The following LGSN variants were observed in gnomAD, a reference collection of about 807,000 sequenced individuals.
LGSN encodes the protein lengsin.
LGSN carries 21 observed loss-of-function variants against 19.5 expected under a neutral mutation model. The observed-to-expected ratio is 1.07, with a 90% CI of 0.76 to 1.55. The LOEUF (loss-of-function observed/expected upper bound fraction) is 1.55, where lower values mean the gene tolerates loss of function less well. Among genes scored for constraint, LGSN ranks in the 40% most tolerant of loss-of-function variants. LGSN has a pLI of 0.00. For synonymous variants in LGSN, 257 were observed against 215.6 expected, an observed-to-expected ratio of 1.19 and a Z score of -1.68; for missense variants, 673 against 608.5, an observed-to-expected ratio of 1.11 and a Z score of -1.12.
the LGSN span, among the ~76,000 whole-genome samples, chr6:63,431,043 C>T: frequency 1.3e-5 from 2 of 152,138 alleles, no homozygotes; most frequent in African/African-American, 4.8e-5. Context: ...TAATACCTTA[C>T]TCTTCTAAAA....
chr6:63,475,314 C>CAA, the LGSN span, among the ~76,000 whole-genome samples: 1,353 of 99,088 alleles, frequency 0.014, 26 homozygotes, highest in Non-Finnish European at 0.015. Flanking sequence ...ATAGATCTGC[C>CAA]AAAAAAAAAA....
chr6:63,311,683 A>G lies in LGSN; in HGVS notation c.30+8231T>C, dbSNP rs559349832. ...ATGCCTCAAACTATATCCTGTTCAGACATGTCATAACAAATTAGCATGAAT... is the reference window on the plus strand; with the variant it reads ...ATGCCTCAAACTATATCCTGTTCAGGCATGTCATAACAAATTAGCATGAAT... On this transcript the variant is annotated intron_variant, in intron 1 of 3. Coordinates refer to ENST00000370657, the MANE Select transcript of LGSN (RefSeq NM_016571.3). Among the ~76,000 whole-genome samples the G allele has an allele frequency of 2.6e-5, 4 of 152,320 alleles. No individual in the cohort carries two copies. In the South Asian group the frequency reaches 8.3e-4, roughly 32 times the overall value.
intron 2 of LGSN, among the ~76,000 whole-genome samples, chr6:63,286,756 G>A (rs1244645309): frequency 6.6e-6 from 1 of 152,208 alleles, no homozygotes; most frequent in East Asian, 1.9e-4. Flanking sequence ...AAACACTGAA[G>A]TCCATCTACC....
chr6:63,483,315 T>C, the LGSN span, among the ~76,000 whole-genome samples: 2 of 152,078 alleles, frequency 1.3e-5, no homozygotes, highest in African/African-American at 2.4e-5. Context: ...ATGGCTGTCA[T>C]AGCTCTAAAT....
the LGSN span, among the ~76,000 whole-genome samples, chr6:63,346,645 C>A: frequency 6.6e-6 from 1 of 152,090 alleles, no homozygotes; most frequent in Non-Finnish European, 1.5e-5. Context: ...AATTCATAGC[C>A]AGCCGGTCAG....
chr6:63,441,220 T>C, the LGSN span: 2 of 297,406 alleles, frequency 6.7e-6, no homozygotes, highest in South Asian at 8.6e-5. Context: ...AAAAAATAAA[T>C]AATGACTATT....
intron 3 of LGSN, among the ~76,000 whole-genome samples, chr6:63,284,920 C>T (rs1297072375): frequency 6.6e-6 from 1 of 152,136 alleles, no homozygotes; most frequent in Non-Finnish European, 1.5e-5. Flanking sequence ...GGATGCTTAA[C>T]TTTCACACTT....
chr6:63,313,947 A>C (rs1768737565), intron 1 of LGSN, among the ~76,000 whole-genome samples: 1 of 152,084 alleles, frequency 6.6e-6, no homozygotes, highest in Admixed American at 6.5e-5. Context: ...GGAAACAAAA[A>C]AGGAGATGTA....
chr6:63,549,418 A>T, the LGSN span: 1 of 751,366 alleles, frequency 1.3e-6, no homozygotes, highest in Non-Finnish European at 2.4e-6. Flanking sequence ...TTTCTCAAAC[A>T]GGGGATTCAC....
chr6:63,318,414 T>A (rs529857617), intron 1 of LGSN, among the ~76,000 whole-genome samples: 1 of 152,270 alleles, frequency 6.6e-6, no homozygotes, highest in African/African-American at 2.4e-5. Flanking sequence ...TCACATGTCA[T>A]CTCTCTCCCT....
At chr6:63,326,146 G>A in the LGSN span, among the ~76,000 whole-genome samples, 8 of 152,148 alleles carry the variant, frequency 5.3e-5, no homozygotes, top group South Asian at 2.1e-4. Flanking sequence ...ACAGAGTGTC[G>A]ATTGGTGCGT....
At chr6:63,512,338 C>T in the LGSN span, among the ~76,000 whole-genome samples, 2 of 152,210 alleles carry the variant, frequency 1.3e-5, no homozygotes, top group African/African-American at 2.4e-5. Context: ...CTGCCTCGGC[C>T]TCCCAAAGTG....
the LGSN span, among the ~76,000 whole-genome samples, chr6:63,349,962 A>G: frequency 6.6e-6 from 1 of 152,182 alleles, no homozygotes; most frequent in African/African-American, 2.4e-5. Flanking sequence ...AGATGAATAT[A>G]GTTCCATTTC....
At position 63,285,689 on chromosome 6, in the gene LGSN, A is replaced by G; in HGVS notation, c.228T>C (p.Ile76=). ...GGCGATTTTTGGCCATGGCTTGTCT[A>G]ATGTGTTTCATTCTAGAAGAGAGTT... The part of the protein sequence containing the change: ...PPQLSSRMKH[I]RQAMAKNRLQ... Residue 76 remains isoleucine (I), a synonymous_variant, in exon 3 of 4, where the codon ATT becomes ATC. Transcript: ENST00000370657. 1 of 1,613,962 alleles carries G rather than the reference A, an allele frequency of 6.2e-7. No individual in the cohort carries two copies. The highest frequency in any genetic ancestry group is 8.5e-7 in the Non-Finnish European group (1 of 1,179,918).
chr6:63,319,473 C>G (rs79223144), intron 1 of LGSN, among the ~76,000 whole-genome samples: 5,048 of 152,238 alleles, frequency 0.033, 285 homozygotes, highest in African/African-American at 0.12. Context: ...AAGTGGCTAT[C>G]ATTATTCATG....
chr6:63,358,607 G>T, the LGSN span, among the ~76,000 whole-genome samples: 1 of 152,116 alleles, frequency 6.6e-6, no homozygotes, highest in African/African-American at 2.4e-5. Flanking sequence ...GTGAATGGGA[G>T]TTCACTCATG....
At chr6:63,493,951 CTTTT>C in the LGSN span, among the ~76,000 whole-genome samples, 8 of 137,848 alleles carry the variant, frequency 5.8e-5, no homozygotes, top group Admixed American at 5.9e-4. Context: ...GAAATCATTT[CTTTT>C]TTTTTTTTTT....
At chr6:63,392,853 T>C in the LGSN span, among the ~76,000 whole-genome samples, 9 of 151,690 alleles carry the variant, frequency 5.9e-5, no homozygotes, top group African/African-American at 2.2e-4. Context: ...GCCAATCATG[T>C]TCAAGATGGT....
the LGSN span, among the ~76,000 whole-genome samples, chr6:63,540,644 A>G: frequency 1.3e-5 from 2 of 151,762 alleles, no homozygotes; most frequent in Non-Finnish European, 2.9e-5. Context: ...AAAAGAAAAG[A>G]AAAAAGAAAA....
Sources: gnomAD v4.1 joint callset for allele counts (sites outside exome capture counted in the v4.1 genomes callset) on GRCh38, gnomAD v4.1.1 for gene constraint, MANE v1.5 for transcripts, NCBI Gene and HGNC (gene_info 2026-07-23, HGNC 2026-07-21) for gene names.